Variants in BAZ2B observed in about 807,000 individuals in gnomAD.
The protein encoded by BAZ2B is bromodomain adjacent to zinc finger domain 2B.
BAZ2B carries 91 observed loss-of-function variants against 246.0 expected under a neutral mutation model. The ratio of observed to expected loss-of-function variants is 0.37; its 90% CI spans 0.31 to 0.44. The LOEUF (loss-of-function observed/expected upper bound fraction) is 0.44. Among genes scored for constraint, BAZ2B ranks in the 20% least tolerant of loss-of-function variants. The pLI is 1.00. For synonymous variants in BAZ2B, 855 were observed against 860.0 expected (o/e 0.99, Z 0.10); for missense variants, 2,332 against 2,533.7 (o/e 0.92, Z 1.71).
chr2:159,507,871 G>GT (rs1268140428), intron 2 of BAZ2B, among the ~76,000 whole-genome samples: 1 of 152,056 alleles, frequency 6.6e-6, no homozygotes, highest in Non-Finnish European at 1.5e-5. Context: ...ACAGCACTAC[G>GT]TAAGTTACTT....
chr2:159,555,281 G>A (rs1209466130), intron 2 of BAZ2B, among the ~76,000 whole-genome samples: 1 of 151,758 alleles, frequency 6.6e-6, no homozygotes, highest in African/African-American at 2.4e-5. Context: ...AGTAGAGTCG[G>A]GGTTTTACCA....
In BAZ2B at chr2:159,495,281, C is replaced by T. The variant is rs528421742; in HGVS notation, c.-2-16560G>A. Among the ~76,000 whole-genome samples the T allele has an allele frequency of 1.9e-4, 28 of 150,974 alleles. No homozygotes were observed. In the South Asian group the frequency reaches 3.3e-3, roughly 18 times the overall value. ...CGGGCGGATCACGAGGTCAGGAGAT[C>T]GAGACCATCCCGGCTAAAACGGTGA... On this transcript the variant is annotated intron_variant, in intron 2 of 36. Coordinates refer to ENST00000392783, the MANE Select transcript of BAZ2B (RefSeq NM_013450.4).
the BAZ2B span, among the ~76,000 whole-genome samples, chr2:159,628,049 T>C: frequency 6.6e-6 from 1 of 152,162 alleles, no homozygotes; most frequent in Non-Finnish European, 1.5e-5. Context: ...AGCCAAATCA[T>C]GAGTGAACTC....
In BAZ2B at chr2:159,329,999, A is replaced by G. The variant is rs575188698; in HGVS notation, c.5943+2541T>C. Among the ~76,000 whole-genome samples the G allele has an allele frequency of 8.5e-5, 13 of 152,348 alleles. 1 individual carries two copies. In the South Asian group the frequency reaches 2.7e-3, roughly 32 times the overall value. ...AACTTAAGTTATGAAGTTATAAGAT[A>G]ATTTTATGTACATCAGTGAAGACTG... On this transcript the variant is annotated intron_variant, in intron 34 of 36. Transcript: ENST00000392783.
At chr2:159,551,187 C>T (rs912215335) in intron 2 of BAZ2B, among the ~76,000 whole-genome samples, 7 of 151,420 alleles carry the variant, frequency 4.6e-5, no homozygotes, top group Non-Finnish European at 5.9e-5. Context: ...AAAAGGTTGC[C>T]GGCCGGGCAC....
chr2:159,385,319 G>T lies in BAZ2B; in HGVS notation c.3522C>A (p.Asp1174Glu), dbSNP rs1027872170. Residue 1174 changes from aspartate (D) to glutamate (E), a missense_variant, in exon 23 of 37, where the codon GAC (aspartate) becomes GAA (glutamate). Around this residue, in one of 9 missense-constraint regions of BAZ2B, gnomAD observed 328 missense variants for 410.4 expected, o/e 0.80. Coordinates refer to ENST00000392783, the MANE Select transcript of BAZ2B (RefSeq NM_013450.4). ...EHLLNVGVNR[D>E]NVSEILQIFM... is the part of the protein sequence containing the mutation. The stretch of plus-strand genomic sequence containing the variant: ...ATATCTGTAAAATCTCGGAAACATT[G>T]TCTCGATTCACACCAACATTCAGCA... The T allele has an allele frequency of 1.2e-6, 2 of 1,613,076 alleles. No individual in the cohort carries two copies. Among genetic ancestry groups the T allele is most frequent in the African/African-American group, 2.7e-5 (2 of 74,832 alleles).
intron 27 of BAZ2B, among the ~76,000 whole-genome samples, chr2:159,353,692 C>T (rs747669395): frequency 6.6e-6 from 1 of 152,192 alleles, no homozygotes; most frequent in Non-Finnish European, 1.5e-5. Context: ...GGTGCTCACA[C>T]AGGCTGGGAA....
At chr2:159,503,125 T>A (rs1334465768) in intron 2 of BAZ2B, among the ~76,000 whole-genome samples, 1 of 152,184 alleles carries the variant, frequency 6.6e-6, no homozygotes, top group Non-Finnish European at 1.5e-5. Context: ...GTAATCTTTT[T>A]AATATAAAAA....
At chr2:159,408,750 C>T (rs768408920) in intron 14 of BAZ2B, among the ~76,000 whole-genome samples, 2 of 152,112 alleles carry the variant, frequency 1.3e-5, no homozygotes, top group African/African-American at 4.8e-5. Context: ...GAAAACCGAA[C>T]TCTACTAAAA....
At chr2:159,472,499 T>C (rs1376592686) in intron 3 of BAZ2B, among the ~76,000 whole-genome samples, 2 of 152,264 alleles carry the variant, frequency 1.3e-5, no homozygotes, top group Non-Finnish European at 2.9e-5. Context: ...CTGATGGCCC[T>C]GGCCAGAACT....
intron 2 of BAZ2B, among the ~76,000 whole-genome samples, chr2:159,547,345 G>T (rs1001980096): frequency 1.3e-5 from 2 of 151,946 alleles, no homozygotes; most frequent in African/African-American, 4.8e-5. Flanking sequence ...TTCATGACTC[G>T]CAAACTTTTG....
intron 2 of BAZ2B, among the ~76,000 whole-genome samples, chr2:159,535,229 A>C (rs10205876): frequency 0.017 from 2,514 of 152,286 alleles, 25 homozygotes; most frequent in Middle Eastern, 0.034. Flanking sequence ...TTGCTTATGA[A>C]AAATACACCT....
chr2:159,484,184 G>A (rs2079562706), intron 2 of BAZ2B, among the ~76,000 whole-genome samples: 1 of 152,170 alleles, frequency 6.6e-6, no homozygotes, highest in East Asian at 1.9e-4. Flanking sequence ...AGTTGTTAGT[G>A]TTGCTATGGA....
intron 1 of BAZ2B, among the ~76,000 whole-genome samples, chr2:159,613,203 T>C (rs1695066478): frequency 6.6e-6 from 1 of 152,132 alleles, no homozygotes; most frequent in East Asian, 1.9e-4. Context: ...TAATAAGTAT[T>C]TCATAAATGA....
intron 10 of BAZ2B, 138 bp downstream of exon 10, chr2:159,430,725 G>T: frequency 1.5e-6 from 2 of 1,363,318 alleles, no homozygotes; most frequent in Non-Finnish European, 1.9e-6. Context: ...GAAAATACAG[G>T]CTCACCTTCC....
the BAZ2B span, among the ~76,000 whole-genome samples, chr2:159,700,508 C>T: frequency 6.6e-6 from 1 of 152,126 alleles, no homozygotes; most frequent in Non-Finnish European, 1.5e-5. Context: ...TGCAGTGGTG[C>T]GATCTCGGCT....
At chr2:159,473,705 T>C (rs1255242777) in intron 3 of BAZ2B, among the ~76,000 whole-genome samples, 2 of 152,246 alleles carry the variant, frequency 1.3e-5, no homozygotes, top group Non-Finnish European at 2.9e-5. Context: ...TTTAGTGCTA[T>C]AAATTTCCCT....
the BAZ2B span, among the ~76,000 whole-genome samples, chr2:159,701,801 T>A: frequency 6.6e-6 from 1 of 151,640 alleles, no homozygotes; most frequent in Non-Finnish European, 1.5e-5. Flanking sequence ...TGATCTTGGC[T>A]CACTGCAACC....
chr2:159,319,401 G>A lies in BAZ2B; in HGVS notation c.*864C>T, dbSNP rs1039386674. On this transcript the variant is annotated 3_prime_UTR_variant, in exon 37 of 37. Coordinates refer to ENST00000392783, the MANE Select transcript of BAZ2B (RefSeq NM_013450.4). This position sits in a 1 kb window ranked among gnomAD's most constrained non-coding sequence, Gnocchi z 4.0. Reference sequence around the variant, plus strand: ...CAAAGGCAGGCACTACCAAGATTAAGGAGACGCCACAGTGTTGGTAGAGGA... The same window carrying A: ...CAAAGGCAGGCACTACCAAGATTAAAGAGACGCCACAGTGTTGGTAGAGGA... 3 of 152,562 alleles carry A rather than the reference G, an allele frequency of 2.0e-5. No individual in the cohort carries two copies. The highest frequency in any genetic ancestry group is 7.2e-5 in the African/African-American group (3 of 41,422). 9.5% of individuals were successfully genotyped at this position (152,562 alleles called of 1,614,324 possible).
Sources: gnomAD v4.1 joint callset for allele counts (sites outside exome capture counted in the v4.1 genomes callset) on GRCh38, gnomAD v4.1.1 for gene constraint, gnomAD v4.1.1 regional missense constraint, Gnocchi (gnomAD v3.1) non-coding constraint, MANE v1.5 for transcripts, NCBI Gene and HGNC (gene_info 2026-07-23, HGNC 2026-07-21) for gene names.